The following GALM variants were observed in gnomAD, a reference collection of about 807,000 sequenced individuals.
The protein encoded by GALM is aldose 1-epimerase.
In GALM, 43 loss-of-function variants were observed where a neutral mutation model predicts 37.4. That is an observed-to-expected ratio of 1.15 (90% CI 0.90 to 1.48). GALM has a LOEUF of 1.48. GALM is among the 40% of genes most tolerant of loss of function. The probability of loss-of-function intolerance (pLI) is 0.00; values close to 1 mark genes in which losing one functional copy is unlikely to be tolerated. For synonymous variants in GALM, 199 were observed against 170.6 expected (o/e 1.17, Z -1.30); for missense variants, 456 against 419.1 (o/e 1.09, Z -0.77).
intron 4 of GALM, among the ~76,000 whole-genome samples, chr2:38,692,430 T>C (rs896613078): frequency 6.6e-6 from 1 of 152,150 alleles, no homozygotes; most frequent in East Asian, 1.9e-4. Context: ...TCTTTCTGTT[T>C]TGTAGAGACA....
intron 5 of GALM, among the ~76,000 whole-genome samples, chr2:38,730,701 A>G (rs1666589858): frequency 6.6e-6 from 1 of 151,994 alleles, no homozygotes; most frequent in Admixed American, 6.6e-5. Flanking sequence ...TGGGCAGATC[A>G]CTTGAGGTCA....
chr2:38,711,162 CTTTT>C (rs35852563), intron 4 of GALM, among the ~76,000 whole-genome samples: 1 of 135,614 alleles, frequency 7.4e-6, no homozygotes, highest in Non-Finnish European at 1.6e-5. Flanking sequence ...TACAGATAGC[CTTTT>C]TTTTTTTTTT....
intron 3 of GALM, among the ~76,000 whole-genome samples, chr2:38,686,090 G>T (rs886618896): frequency 1.3e-5 from 2 of 151,678 alleles, no homozygotes; most frequent in African/African-American, 4.9e-5. Context: ...GTGGGTGCCT[G>T]ATGAATGTTC....
rs1204936480 is a variant in GALM at position 38,724,756 on chromosome 2, C to A, written c.635-4800C>A. On this transcript the variant is annotated intron_variant, in intron 4 of 6. Coordinates refer to ENST00000272252, the MANE Select transcript of GALM (RefSeq NM_138801.3). The stretch of plus-strand genomic sequence containing the variant: ...CTCTGCTCTGTGTTCTATATGGTAG[C>A]CTGAAATTTGGCCCTGTTATATATA... Among the ~76,000 whole-genome samples the A allele has an allele frequency of 3.3e-5, 5 of 152,252 alleles. No individual in the cohort carries two copies. The East Asian group carries it at 7.7e-4, about 23-fold the overall frequency.
At chr2:38,731,488 G>A (rs563815494) in intron 5 of GALM, among the ~76,000 whole-genome samples, 26 of 151,596 alleles carry the variant, frequency 1.7e-4, no homozygotes, top group Admixed American at 3.3e-4. Context: ...CTCCCCAGCT[G>A]GCAGGAGTGA....
In GALM at chr2:38,681,553, G is replaced by T; in HGVS notation, c.552+67G>T. 2.2e-6 allele frequency: 3 copies of T among 1,340,102 alleles called. No individual in the cohort carries two copies. In the South Asian group the frequency reaches 3.5e-5, roughly 16 times the overall value. 83.0% of individuals were successfully genotyped at this position (1,340,102 alleles called of 1,614,324 possible). A position where few individuals can be genotyped will look rare whatever the true frequency, so the allele number is the denominator to read the frequency against. On this transcript the variant is annotated intron_variant, in intron 3 of 6. Coordinates refer to ENST00000272252, the MANE Select transcript of GALM (RefSeq NM_138801.3). ...GAATGTCCTGGGCTGTGGCTAGAGA[G>T]ATCAGAGTAGTGTGGAATTGCTGTG...
rs749325639 is a variant in GALM at position 38,733,515 on chromosome 2, C to T, written c.979C>T (p.Pro327Ser). ...CCGCTTCCCTCCTGTGCTGCTGAGG[C>T]CTGGTGAGGAGTATGACCACACCAC... The part of the protein sequence containing the change: ...QPRFPPVLLR[P>S]GEEYDHTTWF... Residue 327 changes from proline to serine, a missense_variant, in exon 7 of 7, where the codon CCT (proline) becomes TCT (serine). Transcript: ENST00000272252. The T allele has an allele frequency of 2.5e-6, 4 of 1,613,834 alleles. No homozygotes were observed. The highest frequency in any genetic ancestry group is 3.4e-6 in the Non-Finnish European group (4 of 1,179,900).
chr2:38,672,012 A>G (rs938775603), intron 1 of GALM, among the ~76,000 whole-genome samples: 6 of 151,318 alleles, frequency 4.0e-5, no homozygotes, highest in African/African-American at 1.5e-4. Flanking sequence ...AAACAAAAAA[A>G]ACCCTGATAA....
intron 1 of GALM, among the ~76,000 whole-genome samples, chr2:38,667,329 G>T (rs1558574052): frequency 6.6e-6 from 1 of 152,134 alleles, no homozygotes; most frequent in Non-Finnish European, 1.5e-5. Flanking sequence ...CTTCCGATAC[G>T]TAAGATATGT....
intron 2 of GALM, among the ~76,000 whole-genome samples, chr2:38,676,744 C>T (rs1665269185): frequency 6.6e-6 from 1 of 152,150 alleles, no homozygotes; most frequent in Non-Finnish European, 1.5e-5. Context: ...GCCTGGGCAA[C>T]AGAGCCAGAG....
At chr2:38,722,723 A>G (rs752016363) in intron 4 of GALM, among the ~76,000 whole-genome samples, 1 of 152,238 alleles carries the variant, frequency 6.6e-6, no homozygotes, top group African/African-American at 2.4e-5. Flanking sequence ...GCACAAAGTC[A>G]TATATGCAGA....
At position 38,714,894 on chromosome 2, in the gene GALM, A is replaced by C. The variant is rs190559295; in HGVS notation, c.635-14662A>C. 7.2e-3 allele frequency among the ~76,000 whole-genome samples: 1,098 copies of C among 152,306 alleles called. 8 individuals are homozygous for C. The highest frequency in any genetic ancestry group is 0.012 in the Non-Finnish European group (788 of 68,018). The stretch of plus-strand genomic sequence containing the variant: ...GTTCATTTGGTCTATAGTATAGTTT[A>C]CCTGTGATGTTTCTTTGTTGATTTT... On this transcript the variant is annotated intron_variant, in intron 4 of 6. Coordinates refer to ENST00000272252, the MANE Select transcript of GALM (RefSeq NM_138801.3).
intron 4 of GALM, among the ~76,000 whole-genome samples, chr2:38,708,557 T>G (rs1558590567): frequency 1.3e-5 from 2 of 151,988 alleles, no homozygotes; most frequent in East Asian, 3.9e-4. Flanking sequence ...CCAGCTAACA[T>G]GGTGAAACCC....
intron 4 of GALM, among the ~76,000 whole-genome samples, chr2:38,690,703 G>T (rs962590993): frequency 3.9e-5 from 6 of 152,282 alleles, no homozygotes; most frequent in African/African-American, 1.4e-4. Context: ...AGAGGGCTGG[G>T]ATTACAGGTG....
At chr2:38,729,777 C>T in intron 5 of GALM, 80 bp downstream of exon 5, 1 of 1,187,450 alleles carries the variant, frequency 8.4e-7, no homozygotes, top group Non-Finnish European at 1.2e-6. Flanking sequence ...TTTCCTCTGG[C>T]CATATCAATA....
At chr2:38,696,616 C>T (rs1359736149) in intron 4 of GALM, among the ~76,000 whole-genome samples, 1 of 150,744 alleles carries the variant, frequency 6.6e-6, no homozygotes, top group Non-Finnish European at 1.5e-5. Context: ...TTTTTTTACA[C>T]GAAAATGTCT....
At chr2:38,685,264 G>C (rs749775577) in intron 3 of GALM, among the ~76,000 whole-genome samples, 2 of 152,274 alleles carry the variant, frequency 1.3e-5, no homozygotes, top group Admixed American at 1.3e-4. Context: ...GAAATGGAGC[G>C]GGGGTGGGTC....
intron 6 of GALM, 36 bp downstream of exon 6, chr2:38,731,945 T>C: frequency 6.4e-7 from 1 of 1,563,430 alleles, no homozygotes; most frequent in Non-Finnish European, 8.8e-7. Context: ...AGTAGAGTTG[T>C]GTCCAAGGTC....
chr2:38,725,346 G>T (rs369477554), intron 4 of GALM, among the ~76,000 whole-genome samples: 1 of 150,562 alleles, frequency 6.6e-6, no homozygotes, highest in Non-Finnish European at 1.5e-5. Context: ...ACCAGCCTGC[G>T]CAACAAAGTG....
Sources: gnomAD v4.1 joint callset for allele counts (sites outside exome capture counted in the v4.1 genomes callset) on GRCh38, gnomAD v4.1.1 for gene constraint, MANE v1.5 for transcripts, NCBI Gene and HGNC (gene_info 2026-07-23, HGNC 2026-07-21) for gene names.